Variants in RCN1 observed in about 807,000 individuals in gnomAD.
RCN1 encodes reticulocalbin-1.
In RCN1, 14 loss-of-function variants were observed where a neutral mutation model predicts 34.7. The observed-to-expected ratio is 0.40, with a 90% CI of 0.27 to 0.63. The LOEUF is 0.63. Ranked by LOEUF, RCN1 falls within the 30% of genes least tolerant of loss-of-function variation. The pLI is 0.37. For synonymous variants in RCN1, 125 were observed against 165.5 expected (o/e 0.76, Z 1.88); for missense variants, 326 against 425.1 (o/e 0.77, Z 2.05).
rs376297306 is a variant in RCN1, at chr11:32,104,406, C to T, written c.930C>T (p.Asn310=). The T allele has an allele frequency of 2.5e-6, 4 of 1,579,400 alleles. No individual in the cohort carries two copies. Among genetic ancestry groups the T allele is most frequent in the Non-Finnish European group, 3.5e-6 (4 of 1,149,754 alleles). Residue 310 remains asparagine (N), a synonymous_variant, in exon 6 of 6, where the codon AAC becomes AAT. Coordinates refer to ENST00000054950, the MANE Select transcript of RCN1 (RefSeq NM_002901.4). ...AAGAGGAAATATTGGAGAACTGGAA[C>T]ATGTTTGTCGGAAGCCAAGCTACCA... The part of the protein sequence containing the change: ...LTKEEILENW[N]MFVGSQATNY...
chr11:32,096,241 G>A (rs1385351280), intron 1 of RCN1, among the ~76,000 whole-genome samples: 1 of 152,180 alleles, frequency 6.6e-6, no homozygotes, highest in African/African-American at 2.4e-5. Context: ...TTTAAACACT[G>A]GGGATAGCTT....
intron 2 of RCN1, 123 bp downstream of exon 2, chr11:32,097,460 C>A: frequency 1.7e-6 from 1 of 585,428 alleles, no homozygotes; most frequent in Non-Finnish European, 2.7e-6. Flanking sequence ...TAAGTAGAAC[C>A]TGCTTGTATA....
intron 5 of RCN1, 77 bp downstream of exon 5, chr11:32,103,557 G>T: frequency 7.8e-7 from 1 of 1,283,844 alleles, no homozygotes; most frequent in African/African-American, 1.5e-5. Flanking sequence ...CTTTTTCGGC[G>T]ATAGCATTGA....
chr11:32,097,387 C>G (rs367638461), intron 2 of RCN1, 50 bp downstream of exon 2: 5 of 1,332,684 alleles, frequency 3.8e-6, no homozygotes, highest in African/African-American at 3.0e-5. Flanking sequence ...AGATCACAAG[C>G]TTTTTGTAGA....
intron 3 of RCN1, among the ~76,000 whole-genome samples, chr11:32,099,494 C>T (rs11031589): frequency 0.54 from 82,321 of 151,894 alleles, 22,394 homozygotes; most frequent in East Asian, 0.67. Context: ...CTACCCTTAG[C>T]GGGTGGGTCT....
At chr11:32,091,676 T>C (rs908028397) in intron 1 of RCN1, 5 of 527,644 alleles carry the variant, frequency 9.5e-6, no homozygotes, top group Non-Finnish European at 1.6e-5. Flanking sequence ...GGGTGGTTTC[T>C]CGCGGGGAGG....
At position 32,104,654 on chromosome 11, in the gene RCN1, C is replaced by G. The variant is rs1590221161; in HGVS notation, c.*182C>G. 1.2e-5 allele frequency: 6 copies of G among 488,784 alleles called. No homozygotes were observed. In the Admixed American group the frequency reaches 2.2e-4, roughly 18 times the overall value. 30.3% of individuals were successfully genotyped at this position (488,784 alleles called of 1,614,324 possible). A position where few individuals can be genotyped will look rare whatever the true frequency, so the allele number is the denominator to read the frequency against. On this transcript the variant is annotated 3_prime_UTR_variant, in exon 6 of 6. Transcript: ENST00000054950. ...TGGAAAATGGACATCACTAGTCTTT[C>G]AGTAAGATTTCTCTCAAAACACGTG...
chr11:32,103,243 C>A, intron 4 of RCN1, 38 bp from the exon 5 acceptor site: 1 of 1,598,844 alleles, frequency 6.3e-7, no homozygotes, highest in South Asian at 1.1e-5. Context: ...TTTACCTTCC[C>A]ACTTTCCTTT....
At chr11:32,099,982 C>T (rs373805633) in intron 3 of RCN1, among the ~76,000 whole-genome samples, 76 of 152,322 alleles carry the variant, frequency 5.0e-4, no homozygotes, top group African/African-American at 1.7e-3. Flanking sequence ...CTCTGAGTTG[C>T]TGTGCCAATG....
chr11:32,095,644 A>G (rs1851966058), intron 1 of RCN1, among the ~76,000 whole-genome samples: 1 of 152,164 alleles, frequency 6.6e-6, no homozygotes, highest in Non-Finnish European at 1.5e-5. Flanking sequence ...TCCTGACCTC[A>G]TGATCCACCT....
intron 1 of RCN1, 176 bp downstream of exon 1, chr11:32,091,626 G>A: frequency 1.3e-6 from 1 of 775,754 alleles, no homozygotes; most frequent in Non-Finnish European, 1.9e-6. Flanking sequence ...GAGGGCCCCG[G>A]GACCCCAGCT....
intron 1 of RCN1, among the ~76,000 whole-genome samples, chr11:32,094,320 A>G (rs569275546): frequency 1.3e-5 from 2 of 152,222 alleles, no homozygotes; most frequent in Non-Finnish European, 2.9e-5. Flanking sequence ...GGCTGCATGC[A>G]TTCATAAATA....
At position 32,091,344 on chromosome 11, in the gene RCN1, C is replaced by T. The variant is rs895173058; in HGVS notation, c.148C>T (p.Pro50Ser). ...RPDSELGERP[P>S]EDNQSFQYDH... is the part of the protein sequence containing the mutation. Reference sequence around the variant, plus strand: ...CGACTCGGAGCTGGGCGAGCGGCCCCCTGAGGACAACCAGAGCTTCCAGTA... The same window carrying T: ...CGACTCGGAGCTGGGCGAGCGGCCCTCTGAGGACAACCAGAGCTTCCAGTA... Residue 50 changes from proline to serine, a missense_variant, in exon 1 of 6, where the codon CCT (proline) becomes TCT (serine). Pro to Ser is a moderately conservative substitution (Grantham distance 74, BLOSUM62 -1). Coordinates refer to ENST00000054950, the MANE Select transcript of RCN1 (RefSeq NM_002901.4). 6 of 1,548,728 alleles carry T rather than the reference C, an allele frequency of 3.9e-6. No homozygotes were observed. The highest frequency in any genetic ancestry group is 1.4e-5 in the African/African-American group (1 of 72,918).
chr11:32,091,857 C>G (rs1178151298), intron 1 of RCN1: 1 of 216,408 alleles, frequency 4.6e-6, no homozygotes. Context: ...TCCCCCACTC[C>G]CGGGGAGAAG....
Position 32,104,416 on chromosome 11 carries a change from G to T in RCN1, c.940G>T (p.Gly314Ter), listed in dbSNP as rs746073460. Residue 314 changes from glycine (G) to a stop codon, truncating the protein, a stop_gained, in exon 6 of 6, where the codon GGA becomes TGA. Coordinates refer to ENST00000054950, the MANE Select transcript of RCN1 (RefSeq NM_002901.4). LOFTEE classifies it high-confidence loss of function. ...EILENWNMFVGSQATNYGEDL... is the reference protein window; with the variant it reads ...EILENWNMFV ...ATTGGAGAACTGGAACATGTTTGTCGGAAGCCAAGCTACCAATTACGGGGA... is the reference window on the plus strand; with the variant it reads ...ATTGGAGAACTGGAACATGTTTGTCTGAAGCCAAGCTACCAATTACGGGGA... 6.4e-7 allele frequency: 1 copy of T among 1,562,630 alleles called. No individual in the cohort carries two copies. The highest frequency in any genetic ancestry group is 1.3e-5 in the African/African-American group (1 of 74,482).
chr11:32,102,944 A>G, intron 4 of RCN1: 1 of 460,136 alleles, frequency 2.2e-6, no homozygotes, highest in Admixed American at 2.6e-5. Context: ...TTTTACATCA[A>G]AATGGCACAT....
In RCN1 at chr11:32,095,659, C is replaced by T. The variant is rs190019906; in HGVS notation, c.255-1485C>T. 2.2e-4 allele frequency among the ~76,000 whole-genome samples: 34 copies of T among 152,310 alleles called. 1 individual carries two copies. The highest frequency in any genetic ancestry group is 1.2e-3 in the South Asian group (6 of 4,822). On this transcript the variant is annotated intron_variant, in intron 1 of 5. Transcript: ENST00000054950. ...TCCTGACCTCATGATCCACCTGCCT[C>T]GGCCTCCCAAAGTTCTGGGACCACA...
intron 4 of RCN1, among the ~76,000 whole-genome samples, chr11:32,101,071 ATTC>A (rs1240239567): frequency 6.6e-6 from 1 of 152,230 alleles, no homozygotes; most frequent in African/African-American, 2.4e-5. Context: ...GCAGAAAGGC[ATTC>A]TTCTTAGAAA....
chr11:32,093,890 C>T (rs1208294117), intron 1 of RCN1, among the ~76,000 whole-genome samples: 3 of 152,118 alleles, frequency 2.0e-5, no homozygotes. Context: ...GGCTTGGTCT[C>T]TCCGGATTCC....
Sources: gnomAD v4.1 joint callset for allele counts (sites outside exome capture counted in the v4.1 genomes callset) on GRCh38, gnomAD v4.1.1 for gene constraint, MANE v1.5 for transcripts, NCBI Gene and HGNC (gene_info 2026-07-23, HGNC 2026-07-21) for gene names.